Variants in SHISAL1 observed in about 807,000 individuals in gnomAD.
SHISAL1 encodes shisa like 1.
Under a neutral mutation model 22.6 loss-of-function variants are expected in SHISAL1, and 9 were observed. That is an observed-to-expected ratio of 0.40 (90% confidence interval 0.24 to 0.70). The LOEUF is 0.70. Ranked by LOEUF, SHISAL1 falls within the 30% of genes least tolerant of loss-of-function variation. The pLI, the probability that SHISAL1 is intolerant of heterozygous loss-of-function variation, is 0.39. For synonymous variants in SHISAL1, 119 were observed against 115.4 expected, an observed-to-expected ratio of 1.03 and a Z score of -0.20; for missense variants, 246 against 270.6, an observed-to-expected ratio of 0.91 and a Z score of 0.64.
intron 4 of SHISAL1, among the ~76,000 whole-genome samples, chr22:44,260,183 C>G (rs1230343924): frequency 1.3e-5 from 2 of 152,296 alleles, no homozygotes; most frequent in Non-Finnish European, 2.9e-5. Context: ...CTTTCCTCCT[C>G]GAAAGCTGAA....
At chr22:44,259,558 G>A (rs1346787222) in intron 4 of SHISAL1, among the ~76,000 whole-genome samples, 1 of 151,990 alleles carries the variant, frequency 6.6e-6, no homozygotes, top group Non-Finnish European at 1.5e-5. Flanking sequence ...GCCCTCGGTT[G>A]CACAAATGGG....
At chr22:44,324,545 T>C in the SHISAL1 span, among the ~76,000 whole-genome samples, 1 of 152,202 alleles carries the variant, frequency 6.6e-6, no homozygotes, top group African/African-American at 2.4e-5. Flanking sequence ...GGACAAGGCA[T>C]TGAATGCACA....
chr22:44,276,813 C>T (rs778124779), intron 4 of SHISAL1, among the ~76,000 whole-genome samples: 5 of 150,064 alleles, frequency 3.3e-5, no homozygotes, highest in Non-Finnish European at 5.9e-5. Context: ...GCTGTGGATC[C>T]GGGTGGGGTC....
At chr22:44,323,916 A>G in the SHISAL1 span, among the ~76,000 whole-genome samples, 2 of 152,224 alleles carry the variant, frequency 1.3e-5, no homozygotes, top group Admixed American at 1.3e-4. Context: ...GCCCGTCTGC[A>G]CCAAACACAT....
chr22:44,327,588 T>G, the SHISAL1 span, among the ~76,000 whole-genome samples: 1 of 151,694 alleles, frequency 6.6e-6, no homozygotes, highest in Non-Finnish European at 1.5e-5. Context: ...TGCCCGGGGG[T>G]GGGTCTCAGT....
At position 44,243,763 on chromosome 22, in the gene SHISAL1, G is replaced by GA. The variant is rs1266851288; in HGVS notation, c.*5921dup. 3.9e-5 allele frequency: 6 copies of GA among 152,206 alleles called. No individual in the cohort carries two copies. Among genetic ancestry groups the GA allele is most frequent in the African/African-American group, 1.4e-4 (6 of 41,458 alleles). 9.4% of individuals were successfully genotyped at this position (152,206 alleles called of 1,614,324 possible). A position where few individuals can be genotyped will look rare whatever the true frequency, so the allele number is the denominator to read the frequency against. ...CAAAAGCAGAGCAACAGCGGTCAGT[G>GA]AAAAACACATGATTATTCTTACATT... On this transcript the variant is annotated 3_prime_UTR_variant, in exon 5 of 5. Coordinates refer to ENST00000381176, the MANE Select transcript of SHISAL1 (RefSeq NM_001099294.2).
chr22:44,251,599 A>T (rs1446331741), intron 4 of SHISAL1, among the ~76,000 whole-genome samples: 1 of 152,208 alleles, frequency 6.6e-6, no homozygotes, highest in Non-Finnish European at 1.5e-5. Flanking sequence ...GAGGCCTCAC[A>T]ATCATGGCAA....
chr22:44,265,716 G>A (rs1410559794), intron 4 of SHISAL1, among the ~76,000 whole-genome samples: 1 of 152,182 alleles, frequency 6.6e-6, no homozygotes, highest in Non-Finnish European at 1.5e-5. Flanking sequence ...GGAGAGGGAG[G>A]ATCTTGCAGA....
At chr22:44,254,929 C>G (rs1230057007) in intron 4 of SHISAL1, among the ~76,000 whole-genome samples, 2 of 152,174 alleles carry the variant, frequency 1.3e-5, no homozygotes, top group African/African-American at 4.8e-5. Context: ...TCAGGGTCAC[C>G]AAAGACCTCT....
chr22:44,296,530 A>T (rs115989453), intron 3 of SHISAL1, 142 bp downstream of exon 3: 2 of 686,726 alleles, frequency 2.9e-6, no homozygotes, highest in South Asian at 1.8e-5. Context: ...CTGGTCATCC[A>T]AAGACTCTCC....
chr22:44,262,138 G>T (rs905724404), intron 4 of SHISAL1, among the ~76,000 whole-genome samples: 1 of 152,208 alleles, frequency 6.6e-6, no homozygotes, highest in Non-Finnish European at 1.5e-5. Context: ...CCTGGCCAGG[G>T]TGGGAATTGG....
At chr22:44,308,778 G>A (rs2055497041) in intron 1 of SHISAL1, among the ~76,000 whole-genome samples, 2 of 148,900 alleles carry the variant, frequency 1.3e-5, no homozygotes, top group Non-Finnish European at 3.0e-5. Flanking sequence ...TGCCGAGGGT[G>A]GCAGAACCAT....
At chr22:44,309,241 G>T (rs915580496) in intron 1 of SHISAL1, among the ~76,000 whole-genome samples, 1 of 152,202 alleles carries the variant, frequency 6.6e-6, no homozygotes, top group Non-Finnish European at 1.5e-5. Flanking sequence ...CTGCCATAAG[G>T]CTTACAGCCT....
intron 4 of SHISAL1, among the ~76,000 whole-genome samples, chr22:44,265,745 C>T (rs748754935): frequency 1.3e-5 from 2 of 152,218 alleles, no homozygotes; most frequent in African/African-American, 2.4e-5. Flanking sequence ...CTGGACATCC[C>T]TCTACTCTAT....
intron 4 of SHISAL1, among the ~76,000 whole-genome samples, chr22:44,270,129 C>T (rs899861379): frequency 3.3e-5 from 5 of 152,238 alleles, no homozygotes; most frequent in Admixed American, 2.0e-4. Flanking sequence ...AGTGGCCTCT[C>T]GCCAAAACCC....
rs1412581011 is a variant in SHISAL1, at chr22:44,246,320, C to T, written c.*3365G>A. ...AACGCGGTAGTTCTGCAAACAGCCT[C>T]GAATGCAGATTCCTCTGTGGACATC... On this transcript the variant is annotated 3_prime_UTR_variant, in exon 5 of 5. Coordinates refer to ENST00000381176, the MANE Select transcript of SHISAL1 (RefSeq NM_001099294.2). 2 of 152,206 alleles carry T rather than the reference C, an allele frequency of 1.3e-5. No individual in the cohort carries two copies. Among genetic ancestry groups the T allele is most frequent in the Non-Finnish European group, 2.9e-5 (2 of 68,056 alleles). 9.4% of individuals were successfully genotyped at this position (152,206 alleles called of 1,614,324 possible). A position where few individuals can be genotyped will look rare whatever the true frequency, so the allele number is the denominator to read the frequency against.
intron 4 of SHISAL1, among the ~76,000 whole-genome samples, chr22:44,272,221 C>T (rs2055210357): frequency 6.6e-6 from 1 of 152,220 alleles, no homozygotes; most frequent in African/African-American, 2.4e-5. Context: ...CACACAATCT[C>T]CATCTGAACT....
upstream of SHISAL1, among the ~76,000 whole-genome samples, chr22:44,316,608 G>C (rs2055559923): frequency 6.6e-6 from 1 of 152,198 alleles, no homozygotes; most frequent in African/African-American, 2.4e-5. Flanking sequence ...CACACAAACA[G>C]GCAGCCCCAG....
chr22:44,246,088 AGGTGAGGCG>A lies in SHISAL1; in HGVS notation c.*3588_*3596del, dbSNP rs1278007096. ...GGCTGGCCTGGCCGCTGGAGCAGCCAGGTGAGGCGGGTGAGAAGGCTGCTTCTCTAGGTG... is the reference window on the plus strand; with the variant it reads ...GGCTGGCCTGGCCGCTGGAGCAGCCAGGTGAGAAGGCTGCTTCTCTAGGTG... On this transcript the variant is annotated 3_prime_UTR_variant, in exon 5 of 5. Transcript: ENST00000381176. 6.6e-5 allele frequency: 10 copies of A among 152,418 alleles called. No individual in the cohort carries two copies. Among genetic ancestry groups the A allele is most frequent in the African/African-American group, 1.4e-4 (6 of 41,588 alleles). 9.4% of individuals were successfully genotyped at this position (152,418 alleles called of 1,614,324 possible).
Sources: gnomAD v4.1 joint callset for allele counts (sites outside exome capture counted in the v4.1 genomes callset) on GRCh38, gnomAD v4.1.1 for gene constraint, MANE v1.5 for transcripts, NCBI Gene and HGNC (gene_info 2026-07-23, HGNC 2026-07-21) for gene names.